FMNL2: variants seen among roughly 807,000 people sequenced by gnomAD.
FMNL2 encodes the protein formin-like protein 2.
In FMNL2, 51 loss-of-function variants were observed where a neutral mutation model predicts 130.2. The observed-to-expected ratio is 0.39, with a 90% CI of 0.31 to 0.49. The LOEUF (loss-of-function observed/expected upper bound fraction) is 0.49, where lower values mean the gene tolerates loss of function less well. Among genes scored for constraint, FMNL2 ranks in the 20% least tolerant of loss-of-function variants. FMNL2 has a pLI of 0.85. For synonymous variants in FMNL2, 465 were observed against 467.1 expected (o/e 1.00, Z 0.06); for missense variants, 977 against 1,316.2 (o/e 0.74, Z 3.99).
chr2:152,598,480 G>A (rs891613563), intron 9 of FMNL2, among the ~76,000 whole-genome samples: 4 of 152,158 alleles, frequency 2.6e-5, no homozygotes, highest in Non-Finnish European at 5.9e-5. Flanking sequence ...CTTGAGGCCA[G>A]GAGTTCAAGA....
chr2:152,563,067 TA>T (rs1313442513), intron 6 of FMNL2, among the ~76,000 whole-genome samples: 1 of 152,160 alleles, frequency 6.6e-6, no homozygotes, highest in African/African-American at 2.4e-5. Flanking sequence ...GGGAGGGATG[TA>T]ACCCTGGATG....
intron 1 of FMNL2, among the ~76,000 whole-genome samples, chr2:152,389,410 A>G (rs564169042): frequency 6.6e-6 from 1 of 152,132 alleles, no homozygotes; most frequent in Non-Finnish European, 1.5e-5. Flanking sequence ...TTCATGATCT[A>G]ATCACCTCCC....
rs533311614 is a variant in FMNL2, at chr2:152,572,320, A to T, written c.597-2816A>T. The stretch of plus-strand genomic sequence containing the variant: ...AGCATAAACAATAGGTACTTAGTAA[A>T]GCCAACTTTGGGGCTTAAAAAAGAG... On this transcript the variant is annotated intron_variant, in intron 6 of 25. Transcript: ENST00000288670. 2.0e-5 allele frequency among the ~76,000 whole-genome samples: 3 copies of T among 152,284 alleles called. No homozygotes were observed. The East Asian group carries it at 5.8e-4, about 29-fold the overall frequency.
intron 1 of FMNL2, among the ~76,000 whole-genome samples, chr2:152,504,036 C>A (rs1263185025): frequency 6.6e-6 from 1 of 152,084 alleles, no homozygotes; most frequent in East Asian, 1.9e-4. Flanking sequence ...ACTAAAAATA[C>A]AAAAATTAGC....
chr2:152,385,231 G>A (rs958138391), intron 1 of FMNL2, among the ~76,000 whole-genome samples: 7 of 152,200 alleles, frequency 4.6e-5, no homozygotes, highest in African/African-American at 1.4e-4. Context: ...CAGCAGCATC[G>A]AAACTGGGGA....
chr2:152,340,753 G>A (rs919738195), intron 1 of FMNL2, among the ~76,000 whole-genome samples: 1 of 152,272 alleles, frequency 6.6e-6, no homozygotes, highest in African/African-American at 2.4e-5. Flanking sequence ...GTGCAGTGGT[G>A]CAATATTGGC....
At chr2:152,336,685 A>C (rs1681481391) in intron 1 of FMNL2, among the ~76,000 whole-genome samples, 1 of 152,146 alleles carries the variant, frequency 6.6e-6, no homozygotes, top group Non-Finnish European at 1.5e-5. Flanking sequence ...TTGGTCCCCC[A>C]GACTACCAGT....
intron 21 of FMNL2, 139 bp from the exon 22 acceptor site, chr2:152,636,288 C>T: frequency 2.6e-6 from 2 of 766,706 alleles, no homozygotes; most frequent in Non-Finnish European, 4.1e-6. Context: ...TAAAAGATCT[C>T]TGTGCCAAAA....
intron 1 of FMNL2, among the ~76,000 whole-genome samples, chr2:152,388,163 C>T (rs1002166119): frequency 6.6e-6 from 1 of 152,108 alleles, no homozygotes; most frequent in South Asian, 2.1e-4. Flanking sequence ...GGTTAGCTCT[C>T]ACAGAGGAGG....
At chr2:152,343,390 G>T (rs1681923970) in intron 1 of FMNL2, among the ~76,000 whole-genome samples, 1 of 152,132 alleles carries the variant, frequency 6.6e-6, no homozygotes, top group Non-Finnish European at 1.5e-5. Flanking sequence ...CTGCCTCCTG[G>T]GTTCAAGCGA....
At chr2:152,588,120 A>T (rs906176541) in intron 9 of FMNL2, among the ~76,000 whole-genome samples, 6 of 152,246 alleles carry the variant, frequency 3.9e-5, no homozygotes, top group Non-Finnish European at 7.3e-5. Context: ...GCTTAAACCA[A>T]CACCAGTTTA....
At chr2:152,581,096 T>G in intron 9 of FMNL2, 47 bp downstream of exon 9, 1 of 1,513,572 alleles carries the variant, frequency 6.6e-7, no homozygotes, top group East Asian at 2.3e-5. Flanking sequence ...CATCTTACAT[T>G]TGGACATCTT....
chr2:152,530,543 C>A (rs781280982), intron 2 of FMNL2, among the ~76,000 whole-genome samples: 9 of 152,216 alleles, frequency 5.9e-5, no homozygotes, highest in Non-Finnish European at 8.8e-5. Context: ...TAATTAACTT[C>A]ACCTTGTGAA....
At chr2:152,439,996 G>A (rs776961680) in intron 1 of FMNL2, among the ~76,000 whole-genome samples, 33 of 151,790 alleles carry the variant, frequency 2.2e-4, no homozygotes, top group Admixed American at 1.3e-4. Context: ...TGTGTGTACT[G>A]CCAAGTGACC....
chr2:152,401,957 ATGCAG>A (rs1404046849), intron 1 of FMNL2, among the ~76,000 whole-genome samples: 2 of 131,304 alleles, frequency 1.5e-5, no homozygotes, highest in Non-Finnish European at 3.1e-5. Context: ...CCAGGCTGGA[ATGCAG>A]TGGCGCGATC....
chr2:152,351,813 A>AC, intron 1 of FMNL2, among the ~76,000 whole-genome samples: 1 of 152,266 alleles, frequency 6.6e-6, no homozygotes, highest in African/African-American at 2.4e-5. Flanking sequence ...TTACACTCCC[A>AC]CCAACAGTGT....
chr2:152,569,879 C>T (rs1203183498), intron 6 of FMNL2, among the ~76,000 whole-genome samples: 1 of 151,138 alleles, frequency 6.6e-6, no homozygotes, highest in Non-Finnish European at 1.5e-5. Flanking sequence ...GGCATGGTGG[C>T]ACATGCCTGT....
intron 2 of FMNL2, among the ~76,000 whole-genome samples, chr2:152,525,662 G>T (rs1308081670): frequency 6.6e-6 from 1 of 152,176 alleles, no homozygotes; most frequent in African/African-American, 2.4e-5. Context: ...AAAGATGAGC[G>T]TGAAGAGGTA....
chr2:152,412,240 T>A (rs1686326163), intron 1 of FMNL2, among the ~76,000 whole-genome samples: 1 of 151,788 alleles, frequency 6.6e-6, no homozygotes, highest in Non-Finnish European at 1.5e-5. Flanking sequence ...AAAGTTGCCC[T>A]TGTGTATTGT....
Sources: allele counts gnomAD v4.1 joint callset (sites outside exome capture counted in the v4.1 genomes callset), GRCh38; gene constraint gnomAD v4.1.1; transcripts MANE v1.5; gene names NCBI Gene and HGNC (gene_info 2026-07-23, HGNC 2026-07-21).